The following MTCL2 variants were observed in gnomAD, a reference collection of about 807,000 sequenced individuals.
MTCL2 encodes microtubule cross-linking factor 2.
the MTCL2 span, among the ~76,000 whole-genome samples, chr20:36,812,180 A>C: frequency 5.3e-5 from 8 of 151,976 alleles, no homozygotes; most frequent in Admixed American, 1.3e-4. Context: ...CATCATAATC[A>C]TCCTCCTCCT....
chr20:36,813,399 A>C, the MTCL2 span, among the ~76,000 whole-genome samples: 1 of 149,706 alleles, frequency 6.7e-6, no homozygotes, highest in African/African-American at 2.5e-5. Context: ...TGAGTTAAAG[A>C]AATTATGGCA....
the MTCL2 span, among the ~76,000 whole-genome samples, chr20:36,805,352 C>T: frequency 6.6e-6 from 1 of 152,158 alleles, no homozygotes; most frequent in East Asian, 1.9e-4. Flanking sequence ...CATCCCTACC[C>T]CAGCTCACCG....
At chr20:36,829,149 G>A in the MTCL2 span, 23 of 1,604,790 alleles carry the variant, frequency 1.4e-5, no homozygotes, top group South Asian at 6.7e-5. Flanking sequence ...TCCTCCAGCC[G>A]CGCCCGTTTC....
chr20:36,845,413 T>A, the MTCL2 span, among the ~76,000 whole-genome samples: 2 of 152,212 alleles, frequency 1.3e-5, no homozygotes, highest in Non-Finnish European at 2.9e-5. Context: ...CCACAGTCAA[T>A]TTGTGACAGC....
At chr20:36,833,473 C>A in the MTCL2 span, among the ~76,000 whole-genome samples, 1 of 152,270 alleles carries the variant, frequency 6.6e-6, no homozygotes, top group Admixed American at 6.5e-5. Context: ...CCTCCAGCCC[C>A]TGCTCCCCAG....
the MTCL2 span, among the ~76,000 whole-genome samples, chr20:36,853,662 G>T: frequency 6.6e-6 from 1 of 151,936 alleles, no homozygotes; most frequent in Non-Finnish European, 1.5e-5. Flanking sequence ...GTCTGGTACA[G>T]TTCTGCACAA....
chr20:36,802,983 A>T, the MTCL2 span: 1 of 1,592,922 alleles, frequency 6.3e-7, no homozygotes. Flanking sequence ...CTGCCGAGTC[A>T]GCTCCATGAC....
the MTCL2 span, chr20:36,817,545 C>G: frequency 4.9e-6 from 7 of 1,414,764 alleles, no homozygotes; most frequent in African/African-American, 7.3e-5. Flanking sequence ...ATGCAGAGAG[C>G]TGTCACAGTG....
chr20:36,793,201 T>C, the MTCL2 span: 1 of 1,509,246 alleles, frequency 6.6e-7, no homozygotes, highest in Non-Finnish European at 8.9e-7. The surrounding 1 kb of genome is among the most constrained non-coding windows in gnomAD (Gnocchi z 6.8). Flanking sequence ...TTGGACCTTA[T>C]ATACTAACTC....
At chr20:36,816,274 A>G in the MTCL2 span, 3 of 1,601,574 alleles carry the variant, frequency 1.9e-6, no homozygotes, top group Non-Finnish European at 2.5e-6. Context: ...TCCTTTGCAA[A>G]GTGCAACTGG....
the MTCL2 span, chr20:36,839,319 G>A: frequency 6.2e-7 from 1 of 1,612,830 alleles, no homozygotes; most frequent in South Asian, 1.1e-5. The surrounding 1 kb of genome is among the most constrained non-coding windows in gnomAD (Gnocchi z 5.1). Flanking sequence ...GGTACTGCAG[G>A]ATGCGGCAGG....
At chr20:36,802,273 G>A in the MTCL2 span, among the ~76,000 whole-genome samples, 3 of 152,160 alleles carry the variant, frequency 2.0e-5, no homozygotes, top group East Asian at 5.8e-4. Flanking sequence ...GTGAGACTCT[G>A]TCTCAAATAA....
the MTCL2 span, chr20:36,786,418 G>T: frequency 6.9e-7 from 1 of 1,456,108 alleles, no homozygotes; most frequent in Admixed American, 2.4e-5. Flanking sequence ...ACCTCGTCTC[G>T]TCTCTGCTGG....
the MTCL2 span, chr20:36,862,755 A>G: frequency 6.8e-7 from 1 of 1,461,004 alleles, no homozygotes; most frequent in African/African-American, 1.5e-5. Flanking sequence ...GGAGAAGGCA[A>G]GCGAGGCGCT....
chr20:36,777,621 A>G, the MTCL2 span: 1 of 462,420 alleles, frequency 2.2e-6, no homozygotes. Context: ...TGAAGACAGA[A>G]GTGGAAAGGA....
chr20:36,799,173 C>A, the MTCL2 span, among the ~76,000 whole-genome samples: 20 of 151,308 alleles, frequency 1.3e-4, no homozygotes, highest in Admixed American at 2.6e-4. Context: ...CTGGGCAACA[C>A]GGCGAAACCC....
At chr20:36,853,090 A>C in the MTCL2 span, among the ~76,000 whole-genome samples, 2 of 151,024 alleles carry the variant, frequency 1.3e-5, no homozygotes, top group East Asian at 3.9e-4. Context: ...CGGGGAAAGA[A>C]GGCCAGGACA....
chr20:36,824,535 C>T, the MTCL2 span, among the ~76,000 whole-genome samples: 2 of 152,140 alleles, frequency 1.3e-5, no homozygotes, highest in East Asian at 3.9e-4. Context: ...TGTTCATAGG[C>T]ATGAGGTTAC....
At chr20:36,861,100 CG>C in the MTCL2 span, among the ~76,000 whole-genome samples, 1 of 152,152 alleles carries the variant, frequency 6.6e-6, no homozygotes, top group African/African-American at 2.4e-5. Context: ...TAGCAGGAAC[CG>C]GGAGGCAGGG....
Sources: gnomAD v4.1 joint callset for allele counts (sites outside exome capture counted in the v4.1 genomes callset) on GRCh38, gnomAD v4.1.1 for gene constraint, Gnocchi (gnomAD v3.1) non-coding constraint, MANE v1.5 for transcripts, NCBI Gene and HGNC (gene_info 2026-07-23, HGNC 2026-07-21) for gene names.